Variants in PRICKLE1 observed in about 807,000 individuals in gnomAD.
PRICKLE1 encodes the protein prickle planar cell polarity protein 1.
A neutral mutation model predicts 70.2 loss-of-function variants in PRICKLE1; 14 were observed. The observed-to-expected ratio is 0.20, with a 90% CI of 0.13 to 0.31. PRICKLE1 has a LOEUF of 0.31. Ranked by LOEUF, PRICKLE1 falls within the 10% of genes least tolerant of loss-of-function variation. The pLI is 1.00. For synonymous variants in PRICKLE1, 357 were observed against 379.9 expected, an observed-to-expected ratio of 0.94 and a Z score of 0.70; for missense variants, 821 against 1,026.2, an observed-to-expected ratio of 0.80 and a Z score of 2.73.
intron 1 of PRICKLE1, among the ~76,000 whole-genome samples, chr12:42,585,506 C>T (rs1940972532): frequency 6.6e-6 from 1 of 152,122 alleles, no homozygotes; most frequent in African/African-American, 2.4e-5. Flanking sequence ...ATAGTCAATG[C>T]CAGTGGACCA....
intron 1 of PRICKLE1, among the ~76,000 whole-genome samples, chr12:42,534,849 A>T (rs1197595683): frequency 6.6e-6 from 1 of 152,216 alleles, no homozygotes; most frequent in Non-Finnish European, 1.5e-5. Flanking sequence ...ACAAAATACA[A>T]ATCATTCTTG....
At chr12:42,577,820 T>C (rs1940827958) in intron 1 of PRICKLE1, among the ~76,000 whole-genome samples, 1 of 152,212 alleles carries the variant, frequency 6.6e-6, no homozygotes, top group African/African-American at 2.4e-5. Flanking sequence ...CAATAAAATA[T>C]CATCAAACAA....
At position 42,458,216 on chromosome 12, in the gene PRICKLE1, C is replaced by T. The variant is rs1422280184; in HGVS notation, c.*1593G>A. The T allele has an allele frequency of 1.3e-5, 2 of 152,190 alleles. No homozygotes were observed. The highest frequency in any genetic ancestry group is 3.8e-4 in the East Asian group (2 of 5,198). The allele number at this position is 152,190 out of a possible 1,614,324, so 9.4% of individuals were successfully genotyped here. ...TGTCTGAAGCCCTATTTCTGGCCTACAAGTGGGGCGTGTGGACACACGAGA... is the reference window on the plus strand; with the variant it reads ...TGTCTGAAGCCCTATTTCTGGCCTATAAGTGGGGCGTGTGGACACACGAGA... On this transcript the variant is annotated 3_prime_UTR_variant, in exon 8 of 8. Transcript: ENST00000345127.
chr12:42,569,443 G>A lies in PRICKLE1; in HGVS notation c.-49+20022C>T, dbSNP rs551310199. 3.3e-5 allele frequency among the ~76,000 whole-genome samples: 5 copies of A among 152,294 alleles called. No individual in the cohort carries two copies. The East Asian group carries it at 9.6e-4, about 29-fold the overall frequency. On this transcript the variant is annotated intron_variant, in intron 1 of 7. Transcript: ENST00000345127. ...TGTCATTTCAAGTTTGTTGAAGACT[G>A]CCATCTAGTGCCTCCTTTCTTCCTG...
intron 1 of PRICKLE1, among the ~76,000 whole-genome samples, chr12:42,475,568 T>G (rs1259043555): frequency 6.6e-6 from 1 of 152,122 alleles, no homozygotes; most frequent in Admixed American, 6.6e-5. Context: ...CCAAGCTACC[T>G]GCGCTGCAGA....
chr12:42,557,939 TAGC>T (rs1940439941), intron 1 of PRICKLE1, among the ~76,000 whole-genome samples: 1 of 152,230 alleles, frequency 6.6e-6, no homozygotes, highest in African/African-American at 2.4e-5. Flanking sequence ...ACTATTCTAA[TAGC>T]AGGCTAGAGT....
At chr12:42,521,979 CT>C (rs548219588) in intron 1 of PRICKLE1, among the ~76,000 whole-genome samples, 23,579 of 119,716 alleles carry the variant, frequency 0.2, 4,089 homozygotes, top group African/African-American at 0.49. Context: ...TGTTTAACTT[CT>C]TTTTTTTTTT....
At chr12:42,481,880 G>A (rs1052955567) in intron 1 of PRICKLE1, among the ~76,000 whole-genome samples, 4 of 150,184 alleles carry the variant, frequency 2.7e-5, no homozygotes, top group Non-Finnish European at 4.5e-5. Flanking sequence ...GGGGCATTCA[G>A]TGCTTACTGT....
At chr12:42,516,831 C>T (rs933714980) in intron 1 of PRICKLE1, among the ~76,000 whole-genome samples, 16 of 152,164 alleles carry the variant, frequency 1.1e-4, no homozygotes, top group African/African-American at 3.6e-4. Flanking sequence ...CCTCTCCCCA[C>T]CCCTTGCCTT....
At chr12:42,565,348 C>G (rs1373063180) in intron 1 of PRICKLE1, among the ~76,000 whole-genome samples, 3 of 152,162 alleles carry the variant, frequency 2.0e-5, no homozygotes, top group African/African-American at 7.2e-5. Flanking sequence ...CATTAAGAAC[C>G]AAGAAACTTA....
intron 1 of PRICKLE1, among the ~76,000 whole-genome samples, chr12:42,507,041 G>C (rs1321785386): frequency 6.6e-6 from 1 of 152,144 alleles, no homozygotes; most frequent in Non-Finnish European, 1.5e-5. Flanking sequence ...GACATGCAAG[G>C]CTTAATTTTA....
intron 1 of PRICKLE1, among the ~76,000 whole-genome samples, chr12:42,544,885 A>AGTCTG (rs1342966591): frequency 6.6e-6 from 1 of 152,168 alleles, no homozygotes; most frequent in Non-Finnish European, 1.5e-5. Context: ...TTACAACTTG[A>AGTCTG]GTCTGGTCTG....
chr12:42,459,419 G>A lies in PRICKLE1; in HGVS notation c.*390C>T, dbSNP rs768200105. On this transcript the variant is annotated 3_prime_UTR_variant, in exon 8 of 8. Transcript: ENST00000345127. ...AAGACGGACTATCAAGACCTGAGCC[G>A]ACCTGACTTACATAAATGACAAACA... 7.2e-6 allele frequency: 5 copies of A among 696,258 alleles called. No homozygotes were observed. The East Asian group carries it at 8.1e-5, about 11-fold the overall frequency. 43.1% of individuals were successfully genotyped at this position (696,258 alleles called of 1,614,324 possible).
chr12:42,562,826 A>G (rs985262060), intron 1 of PRICKLE1, among the ~76,000 whole-genome samples: 5 of 152,218 alleles, frequency 3.3e-5, no homozygotes, highest in African/African-American at 1.2e-4. Flanking sequence ...ATTACTGCCC[A>G]GAAACACTGG....
intron 1 of PRICKLE1, among the ~76,000 whole-genome samples, chr12:42,561,905 C>CTTTTTTTTTTTTTTTTTT (rs60450733): frequency 2.3e-5 from 2 of 87,226 alleles, no homozygotes; most frequent in African/African-American, 4.3e-5. Context: ...TTTTTCTTTT[C>CTTTTTTTTTTTTTTTTTT]TTTTTTTTTT....
At chr12:42,503,902 C>T (rs1021492432) in intron 1 of PRICKLE1, among the ~76,000 whole-genome samples, 2 of 152,154 alleles carry the variant, frequency 1.3e-5, no homozygotes, top group Non-Finnish European at 2.9e-5. Flanking sequence ...ATTCAAAAAG[C>T]GGGTTCTGGT....
rs1937713571 is a variant in PRICKLE1, at chr12:42,459,507, A to G, written c.*302T>C. 7.9e-6 allele frequency: 5 copies of G among 634,858 alleles called. No homozygotes were observed. The East Asian group carries it at 1.1e-4, about 14-fold the overall frequency. The allele number at this position is 634,858 out of a possible 1,614,324, so 39.3% of individuals were successfully genotyped here. ...CTAAAATCAACATCCAATCCCCTTC[A>G]GTCAGCATCTTCAGTATTCCCTTGA... On this transcript the variant is annotated 3_prime_UTR_variant, in exon 8 of 8. Transcript: ENST00000345127.
chr12:42,504,917 G>A (rs1399176143), intron 1 of PRICKLE1, among the ~76,000 whole-genome samples: 1 of 152,080 alleles, frequency 6.6e-6, no homozygotes, highest in Non-Finnish European at 1.5e-5. Flanking sequence ...TAAGGCGGGT[G>A]GATCACCAGG....
intron 1 of PRICKLE1, among the ~76,000 whole-genome samples, chr12:42,540,830 G>A (rs1940098970): frequency 1.3e-5 from 2 of 152,040 alleles, no homozygotes; most frequent in African/African-American, 4.8e-5. Context: ...CAAAGTGCTG[G>A]GATTACAGTT....
Sources: gnomAD v4.1 joint callset for allele counts (sites outside exome capture counted in the v4.1 genomes callset) on GRCh38, gnomAD v4.1.1 for gene constraint, MANE v1.5 for transcripts, NCBI Gene and HGNC (gene_info 2026-07-23, HGNC 2026-07-21) for gene names.